The following NPAS2 variants were observed in gnomAD, a reference collection of about 807,000 sequenced individuals.
NPAS2 encodes the protein neuronal PAS domain protein 2.
NPAS2 carries 23 observed loss-of-function variants against 107.5 expected under a neutral mutation model. The observed-to-expected ratio is 0.21, with a 90% CI of 0.15 to 0.30. NPAS2 has a LOEUF of 0.30. Ranked by LOEUF, NPAS2 falls within the 10% of genes least tolerant of loss-of-function variation. NPAS2 has a pLI of 1.00. For missense variants in NPAS2, 756 were observed against 1,043.3 expected (o/e 0.72, Z 3.79); for synonymous variants, 403 against 417.5 (o/e 0.97, Z 0.42).
At chr2:100,961,695 G>A (rs17025062) in intron 7 of NPAS2, among the ~76,000 whole-genome samples, 6,363 of 152,238 alleles carry the variant, frequency 0.042, 425 homozygotes, top group African/African-American at 0.14. Flanking sequence ...TGCTGCCCTC[G>A]AAGAAGCAAC....
intron 17 of NPAS2, 109 bp downstream of exon 17, chr2:100,988,385 C>A: frequency 2.2e-6 from 2 of 916,024 alleles, no homozygotes; most frequent in East Asian, 5.0e-5. Flanking sequence ...GCCTACTGCC[C>A]TGTTCCGTTA....
At chr2:100,845,968 A>T (rs1205375738) in intron 1 of NPAS2, among the ~76,000 whole-genome samples, 1 of 152,164 alleles carries the variant, frequency 6.6e-6, no homozygotes, top group Non-Finnish European at 1.5e-5. Flanking sequence ...CCCCTCCTTC[A>T]GTCAGTTTCT....
intron 5 of NPAS2, among the ~76,000 whole-genome samples, chr2:100,944,515 T>C (rs1258585718): frequency 2.0e-5 from 3 of 152,194 alleles, no homozygotes; most frequent in Non-Finnish European, 1.5e-5. Context: ...ATTCCCTCCC[T>C]TGTCTCCATA....
chr2:100,878,261 GAGCT>G (rs1322005911), intron 1 of NPAS2: 1 of 985,294 alleles, frequency 1.0e-6, no homozygotes, highest in East Asian at 1.1e-4. Flanking sequence ...ACTGTCCGAG[GAGCT>G]CGGGAGGGAG....
chr2:100,966,713 C>T (rs1033943102), intron 10 of NPAS2, among the ~76,000 whole-genome samples: 4 of 151,630 alleles, frequency 2.6e-5, no homozygotes, highest in African/African-American at 9.7e-5. Context: ...CCCACCTCAG[C>T]CTCTAGAGTA....
chr2:100,899,262 C>T (rs1481356234), intron 1 of NPAS2, among the ~76,000 whole-genome samples: 4 of 145,706 alleles, frequency 2.7e-5, no homozygotes, highest in Non-Finnish European at 4.5e-5. Context: ...CTGGCTCTGT[C>T]GCCCAAGCTG....
intron 1 of NPAS2, among the ~76,000 whole-genome samples, chr2:100,868,361 A>T (rs1679374226): frequency 6.6e-6 from 1 of 152,182 alleles, no homozygotes; most frequent in Non-Finnish European, 1.5e-5. Context: ...CCTGCTGCCC[A>T]TCCAGTTGCT....
chr2:100,847,455 C>T (rs377226554), intron 1 of NPAS2, among the ~76,000 whole-genome samples: 3 of 152,216 alleles, frequency 2.0e-5, no homozygotes, highest in African/African-American at 4.8e-5. Context: ...CTGCAAGCTC[C>T]GCCTCCCGGG....
chr2:100,904,641 C>A, intron 1 of NPAS2, 92 bp from the exon 2 acceptor site: 1 of 984,458 alleles, frequency 1.0e-6, no homozygotes, highest in South Asian at 1.7e-5. Context: ...GGGCTAAGAC[C>A]AAAATGACAA....
chr2:100,893,616 T>C (rs1421775500), intron 1 of NPAS2, among the ~76,000 whole-genome samples: 3 of 152,224 alleles, frequency 2.0e-5, no homozygotes, highest in East Asian at 1.9e-4. Flanking sequence ...ACTGGGCCTA[T>C]AAAGACTTTA....
chr2:100,957,516 C>G (rs1211995819), intron 7 of NPAS2, among the ~76,000 whole-genome samples: 1 of 152,254 alleles, frequency 6.6e-6, no homozygotes, highest in Admixed American at 6.5e-5. Flanking sequence ...ACAATTCCAT[C>G]TCTTGCTTCT....
intron 1 of NPAS2, among the ~76,000 whole-genome samples, chr2:100,884,111 G>A (rs925842001): frequency 6.6e-6 from 1 of 152,166 alleles, no homozygotes; most frequent in Non-Finnish European, 1.5e-5. Flanking sequence ...TCCGGATTAT[G>A]GGGTTTTCTA....
At chr2:100,883,025 T>G (rs1680470270) in intron 1 of NPAS2, among the ~76,000 whole-genome samples, 1 of 152,188 alleles carries the variant, frequency 6.6e-6, no homozygotes, top group African/African-American at 2.4e-5. Flanking sequence ...AACCAGCAGG[T>G]AATCACTTGA....
chr2:100,992,688 T>C (rs1240290750), intron 19 of NPAS2, among the ~76,000 whole-genome samples: 2 of 152,232 alleles, frequency 1.3e-5, no homozygotes, highest in Non-Finnish European at 2.9e-5. Context: ...CTACTGATGC[T>C]GAGTATGTTT....
At chr2:100,861,084 C>G (rs565253146) in intron 1 of NPAS2, among the ~76,000 whole-genome samples, 1 of 151,126 alleles carries the variant, frequency 6.6e-6, no homozygotes, top group African/African-American at 2.4e-5. Flanking sequence ...CCAGGCTGGT[C>G]TCGAACACCT....
chr2:100,903,782 G>T (rs932762662), intron 1 of NPAS2, among the ~76,000 whole-genome samples: 3 of 152,060 alleles, frequency 2.0e-5, no homozygotes, highest in Admixed American at 6.5e-5. Flanking sequence ...AGTGCCCTGA[G>T]AACGGTTCTG....
At chr2:100,942,710 G>A (rs1674647954) in intron 5 of NPAS2, among the ~76,000 whole-genome samples, 1 of 152,056 alleles carries the variant, frequency 6.6e-6, no homozygotes. Context: ...TCCACTTGGA[G>A]GCAACCATTT....
chr2:100,827,998 C>T (rs990241594), intron 1 of NPAS2, among the ~76,000 whole-genome samples: 2 of 152,320 alleles, frequency 1.3e-5, no homozygotes, highest in African/African-American at 2.4e-5. Context: ...CTCCAAACTG[C>T]ATTCCACAGT....
At position 100,996,052 on chromosome 2, in the gene NPAS2, T is replaced by A. The variant is rs1245659295; in HGVS notation, c.*470T>A. On this transcript the variant is annotated 3_prime_UTR_variant, in exon 21 of 21. Coordinates refer to ENST00000335681, the MANE Select transcript of NPAS2 (RefSeq NM_002518.4). Reference sequence around the variant, plus strand: ...TAAAGAGATTATTTTTCATTATTTTTAAATGGTTGTTTTTGTTTTAATTTG... The same window carrying A: ...TAAAGAGATTATTTTTCATTATTTTAAAATGGTTGTTTTTGTTTTAATTTG... The A allele has an allele frequency of 1.0e-6, 1 of 971,868 alleles. No homozygotes were observed. Among genetic ancestry groups the A allele is most frequent in the South Asian group, 1.8e-5 (1 of 54,736 alleles). The allele number at this position is 971,868 out of a possible 1,614,324, so 60.2% of individuals were successfully genotyped here. A position where few individuals can be genotyped will look rare whatever the true frequency, so the allele number is the denominator to read the frequency against.
Sources: gnomAD v4.1 joint callset for allele counts (sites outside exome capture counted in the v4.1 genomes callset) on GRCh38, gnomAD v4.1.1 for gene constraint, MANE v1.5 for transcripts, NCBI Gene and HGNC (gene_info 2026-07-23, HGNC 2026-07-21) for gene names.